HLA-DRB5: variants seen among roughly 807,000 people sequenced by gnomAD.
HLA-DRB5 encodes major histocompatibility complex, class II, DR beta 5.
A neutral mutation model predicts 22.4 loss-of-function variants in HLA-DRB5; 11 were observed. The ratio of observed to expected loss-of-function variants is 0.49; its 90% CI spans 0.31 to 0.81. The LOEUF is 0.81. Ranked by LOEUF, HLA-DRB5 falls within the 40% of genes least tolerant of loss-of-function variation. The pLI, the probability that HLA-DRB5 is intolerant of heterozygous loss-of-function variation, is 0.05. For missense variants in HLA-DRB5, 106 were observed against 274.4 expected (o/e 0.39, Z 4.34); for synonymous variants, 57 against 106.0 (o/e 0.54, Z 2.84).
Position 32,517,764 on chromosome 6 carries a change from G to C in HLA-DRB5, c.788-12C>G, listed in dbSNP as rs201239487. On this transcript the variant is annotated splice_polypyrimidine_tract_variant and intron_variant, in intron 5 of 5. Coordinates refer to ENST00000374975, the MANE Select transcript of HLA-DRB5 (RefSeq NM_002125.4). ...TCAGCTCACGAGTCCTGCAGAGAGA[G>C]AGGAAAGTGTTGTTTTCAGACCTGG... 2.4e-3 allele frequency: 1,111 copies of C among 466,060 alleles called. 32 individuals carry two copies. The highest frequency in any genetic ancestry group is 5.4e-3 in the Admixed American group (65 of 12,078). 28.9% of individuals were successfully genotyped at this position (466,060 alleles called of 1,614,324 possible).
At chr6:32,524,487 G>A (rs111258508) in intron 1 of HLA-DRB5, among the ~76,000 whole-genome samples, 2,791 of 97,452 alleles carry the variant, frequency 0.029, 561 homozygotes, top group Admixed American at 0.06. Flanking sequence ...GCCAGAGATA[G>A]AACTCTTGGT....
chr6:32,525,856 C>G (rs114132274), intron 1 of HLA-DRB5, among the ~76,000 whole-genome samples: 17,371 of 109,574 alleles, frequency 0.16, 546 homozygotes, highest in Admixed American at 0.19. Context: ...ATTCTCATGA[C>G]CTAGAGTAGT....
intron 1 of HLA-DRB5, among the ~76,000 whole-genome samples, chr6:32,525,885 C>T (rs1445087136): frequency 0.019 from 962 of 51,314 alleles, no homozygotes; most frequent in Middle Eastern, 0.023. Flanking sequence ...TATTCTAAGT[C>T]ACTAATAAAT....
chr6:32,524,417 C>G (rs879791216), intron 1 of HLA-DRB5, among the ~76,000 whole-genome samples: 1,563 of 122,726 alleles, frequency 0.013, 5 homozygotes, highest in East Asian at 0.058. Flanking sequence ...CCCCAACTAA[C>G]TCACGTCTTT....
At chr6:32,524,822 A>AATTTG in intron 1 of HLA-DRB5, among the ~76,000 whole-genome samples, 1 of 87,830 alleles carries the variant, frequency 1.1e-5, no homozygotes, top group East Asian at 2.9e-4. Context: ...TTGACAAATA[A>AATTTG]AACCAGAGGA....
chr6:32,520,422 C>T (rs144049830), intron 2 of HLA-DRB5, among the ~76,000 whole-genome samples: 17,777 of 56,128 alleles, frequency 0.32, 4,357 homozygotes, highest in Admixed American at 0.4. Flanking sequence ...TTTAAGTTCC[C>T]AGCAAAGCAT....
intron 1 of HLA-DRB5, among the ~76,000 whole-genome samples, chr6:32,525,533 A>G (rs796065923): frequency 0.13 from 16,030 of 121,430 alleles, 2 homozygotes; most frequent in East Asian, 0.18. Context: ...GGGCAGAAAC[A>G]CTGGTTTATG....
At chr6:32,525,871 G>C (rs796119197) in intron 1 of HLA-DRB5, among the ~76,000 whole-genome samples, 1 of 73,714 alleles carries the variant, frequency 1.4e-5, no homozygotes, top group Non-Finnish European at 2.7e-5. Context: ...AGTAGTAACT[G>C]GTATATTCTA....
rs529874724 is a variant in HLA-DRB5 at position 32,527,282 on chromosome 6, C to T, written c.100+2843G>A. On this transcript the variant is annotated intron_variant, in intron 1 of 5. Coordinates refer to ENST00000374975, the MANE Select transcript of HLA-DRB5 (RefSeq NM_002125.4). ...CTGGGAGGCTGAGGCAGGTGGATCA[C>T]GAGGTCAAGAGATCAAGACCATCCT... is the stretch of plus-strand genomic sequence containing the variant. Among the ~76,000 whole-genome samples the T allele has an allele frequency of 5.2e-5, 2 of 38,680 alleles. 1 individual carries two copies. Among genetic ancestry groups the T allele is most frequent in the Non-Finnish European group, 1.1e-4 (2 of 18,908 alleles). The allele number at this position is 38,680 out of a possible 152,430, so 25.4% of individuals were successfully genotyped here. A position where few individuals can be genotyped will look rare whatever the true frequency, so the allele number is the denominator to read the frequency against.
At chr6:32,529,943 T>A (rs1243695974) in intron 1 of HLA-DRB5, among the ~76,000 whole-genome samples, 182 bp downstream of exon 1, 1 of 145,268 alleles carries the variant, frequency 6.9e-6, no homozygotes, top group Non-Finnish European at 1.5e-5. Context: ...CACAGTCTCA[T>A]GGAGAGGGCA....
At chr6:32,517,864 C>T (rs113313722) in intron 5 of HLA-DRB5, 112 bp from the exon 6 acceptor site, 10,020 of 289,640 alleles carry the variant, frequency 0.035, 1,482 homozygotes, top group Admixed American at 0.074. Flanking sequence ...AAACAAGTTC[C>T]TAAGTCTCCC....
At chr6:32,525,898 G>T (rs373756262) in intron 1 of HLA-DRB5, among the ~76,000 whole-genome samples, 691 of 30,634 alleles carry the variant, frequency 0.023, 7 homozygotes, top group Middle Eastern at 0.075. Context: ...TAATAAATAT[G>T]GGCTGTGTGA....
At chr6:32,529,769 A>AC (rs375898730) in intron 1 of HLA-DRB5, among the ~76,000 whole-genome samples, 13,006 of 106,532 alleles carry the variant, frequency 0.12, 322 homozygotes, top group African/African-American at 0.14. Flanking sequence ...TCAGAAAAAA[A>AC]CTCGTTTTGT....
intron 3 of HLA-DRB5, 50 bp from the exon 4 acceptor site, chr6:32,518,716 T>G (rs115170898): frequency 0.28 from 117,191 of 421,294 alleles, 29,478 homozygotes; most frequent in Admixed American, 0.4. Context: ...TTGAACCTTT[T>G]TAATTGAGAC....
At chr6:32,521,800 TCCTCTCTCTCTCACACAC>T in intron 2 of HLA-DRB5, 87 bp downstream of exon 2, 1 of 170,016 alleles carries the variant, frequency 5.9e-6, no homozygotes, top group Non-Finnish European at 8.2e-6. Context: ...GTCTCTCTCT[TCCTCTCTCTCTCACACAC>T]ACACACACAC....
intron 2 of HLA-DRB5, among the ~76,000 whole-genome samples, chr6:32,520,232 C>T (rs1463937992): frequency 2.2e-5 from 1 of 45,702 alleles, no homozygotes; most frequent in African/African-American, 8.2e-5. Context: ...CATCCTTGTA[C>T]AGTTTGAGAG....
intron 2 of HLA-DRB5, among the ~76,000 whole-genome samples, chr6:32,520,101 A>G (rs147298529): frequency 0.28 from 8,749 of 31,784 alleles, 3,753 homozygotes; most frequent in Middle Eastern, 0.66. Flanking sequence ...ATTAATGCAC[A>G]TAAAATATAT....
rs771632640 is a variant in HLA-DRB5 at position 32,521,811 on chromosome 6, TCACACACA to T, written c.370+86_370+93del. On this transcript the variant is annotated intron_variant, in intron 2 of 5. Transcript: ENST00000374975. ...CTCTGTCTCTCTCTTCCTCTCTCTC[TCACACACA>T]CACACACACACACACACACACACAC... 602 of 248,592 alleles carry T rather than the reference TCACACACA, an allele frequency of 2.4e-3. 23 individuals carry two copies. The highest frequency in any genetic ancestry group is 0.017 in the Admixed American group (166 of 9,486). 15.4% of individuals were successfully genotyped at this position (248,592 alleles called of 1,614,324 possible).
At chr6:32,520,524 C>CA (rs146660684) in intron 2 of HLA-DRB5, among the ~76,000 whole-genome samples, 27,560 of 71,152 alleles carry the variant, frequency 0.39, 6,515 homozygotes, top group Admixed American at 0.47. Context: ...ATCTCCCATG[C>CA]AAACAAGCAT....
Sources: allele counts gnomAD v4.1 joint callset (sites outside exome capture counted in the v4.1 genomes callset), GRCh38; gene constraint gnomAD v4.1.1; transcripts MANE v1.5; gene names NCBI Gene and HGNC (gene_info 2026-07-23, HGNC 2026-07-21).